Variants in NLGN1 observed in about 807,000 individuals in gnomAD.
NLGN1 encodes the protein neuroligin 1, also known as neuroligin-1.
NLGN1 carries 12 observed loss-of-function variants against 65.5 expected under a neutral mutation model. The ratio of observed to expected loss-of-function variants is 0.18; its 90% CI spans 0.12 to 0.30. NLGN1 has a LOEUF of 0.30. NLGN1 is among the 10% of genes least tolerant of loss of function. The pLI is 1.00. For synonymous variants in NLGN1, 350 were observed against 359.5 expected, an observed-to-expected ratio of 0.97 and a Z score of 0.30; for missense variants, 750 against 1,007.1, an observed-to-expected ratio of 0.74 and a Z score of 3.46.
At chr3:174,217,622 A>G (rs905050957) in intron 4 of NLGN1, among the ~76,000 whole-genome samples, 1 of 152,030 alleles carries the variant, frequency 6.6e-6, no homozygotes, top group South Asian at 2.1e-4. Flanking sequence ...CTTTCATGAC[A>G]TAATTACCTC....
At chr3:173,952,094 G>A (rs985562258) in intron 4 of NLGN1, among the ~76,000 whole-genome samples, 2 of 152,126 alleles carry the variant, frequency 1.3e-5, no homozygotes, top group African/African-American at 2.4e-5. Flanking sequence ...GTGGGATGCA[G>A]GTAGGAAAAA....
At chr3:173,794,306 C>G (rs1342508163) in intron 3 of NLGN1, among the ~76,000 whole-genome samples, 1 of 152,170 alleles carries the variant, frequency 6.6e-6, no homozygotes, top group African/African-American at 2.4e-5. Context: ...TTGCTGAGAT[C>G]TAATTTTCAT....
chr3:173,717,772 A>G (rs558769153), intron 3 of NLGN1, among the ~76,000 whole-genome samples: 2 of 152,252 alleles, frequency 1.3e-5, no homozygotes, highest in East Asian at 3.9e-4. Context: ...AGTGGTTTAT[A>G]AACTCTGGCC....
At chr3:174,004,915 C>A (rs1157649291) in intron 4 of NLGN1, among the ~76,000 whole-genome samples, 1 of 151,966 alleles carries the variant, frequency 6.6e-6, no homozygotes, top group Non-Finnish European at 1.5e-5. Flanking sequence ...ATTTAATTAA[C>A]TTCTGATTTT....
intron 4 of NLGN1, among the ~76,000 whole-genome samples, chr3:174,141,639 AAT>A (rs1009679433): frequency 2.6e-5 from 4 of 152,176 alleles, no homozygotes; most frequent in African/African-American, 9.7e-5. Context: ...TAAGTCAACA[AAT>A]ATGTTTAGTA....
rs118172245 is a variant in NLGN1, at chr3:174,108,037, A to C, written c.647-167278A>C. ...CCTTGTACCATATTTTTATATTTTA[A>C]ATAGTAATATTTCGTTAAGTATGAA... On this transcript the variant is annotated intron_variant, in intron 4 of 6. Coordinates refer to ENST00000457714, the Ensembl canonical transcript of NLGN1. Among the ~76,000 whole-genome samples the C allele has an allele frequency of 1.4e-4, 21 of 152,160 alleles. 1 individual carries two copies. The East Asian group carries it at 4.1e-3, about 29-fold the overall frequency.
intron 2 of NLGN1, among the ~76,000 whole-genome samples, chr3:173,546,732 A>G (rs1003024240): frequency 2.0e-5 from 3 of 152,206 alleles, no homozygotes; most frequent in Admixed American, 6.5e-5. Context: ...TGATAATGAA[A>G]TGATAACAAC....
intron 2 of NLGN1, among the ~76,000 whole-genome samples, chr3:173,485,697 T>C (rs1728064083): frequency 6.6e-6 from 1 of 152,232 alleles, no homozygotes; most frequent in Non-Finnish European, 1.5e-5. Flanking sequence ...AAAATAGTTA[T>C]TAGAAATGAC....
intron 4 of NLGN1, among the ~76,000 whole-genome samples, chr3:173,945,526 A>G (rs1483490620): frequency 2.0e-5 from 3 of 152,078 alleles, no homozygotes; most frequent in South Asian, 2.1e-4. Context: ...AGTTTTAGCT[A>G]TGATTTTTGA....
At chr3:174,236,109 T>A (rs959821840) in intron 4 of NLGN1, among the ~76,000 whole-genome samples, 5 of 152,126 alleles carry the variant, frequency 3.3e-5, no homozygotes, top group Non-Finnish European at 1.5e-5. Context: ...ATCAAATGAA[T>A]GTTACTAGTA....
At position 173,662,366 on chromosome 3, in the gene NLGN1, CT is replaced by C. The variant is rs1761053029; in HGVS notation, c.493+57277del. Among the ~76,000 whole-genome samples, 3 of 152,068 alleles carry C rather than the reference CT, an allele frequency of 2.0e-5. No homozygotes were observed. In the South Asian group the frequency reaches 6.2e-4, roughly 32 times the overall value. ...GTCAGCCTTGACCAAATCACTTTATCTTAGTTTTCTCACCTAAGAAATGAGG... is the reference window on the plus strand; with the variant it reads ...GTCAGCCTTGACCAAATCACTTTATCTAGTTTTCTCACCTAAGAAATGAGG... On this transcript the variant is annotated intron_variant, in intron 3 of 6. Transcript: ENST00000457714.
chr3:173,852,766 G>C (rs1477144421), intron 4 of NLGN1, among the ~76,000 whole-genome samples: 1 of 152,074 alleles, frequency 6.6e-6, no homozygotes, highest in African/African-American at 2.4e-5. Flanking sequence ...TTCTAGTGGA[G>C]CTTTAATATT....
intron 4 of NLGN1, among the ~76,000 whole-genome samples, chr3:173,907,200 C>T (rs916795225): frequency 1.3e-4 from 20 of 152,124 alleles, no homozygotes; most frequent in Non-Finnish European, 2.8e-4. Context: ...TAAAGAAACG[C>T]CACCACCAGC....
downstream of NLGN1, among the ~76,000 whole-genome samples, chr3:174,288,293 C>T (rs1199156893): frequency 6.6e-6 from 1 of 151,414 alleles, no homozygotes; most frequent in African/African-American, 2.4e-5. Context: ...CTATAGTATG[C>T]CAATTCAAAT....
chr3:173,791,429 G>A (rs1304013722), intron 3 of NLGN1, among the ~76,000 whole-genome samples: 2 of 151,618 alleles, frequency 1.3e-5, no homozygotes, highest in Non-Finnish European at 2.9e-5. Context: ...CTACTGAGAA[G>A]TTATGCAATT....
At chr3:173,514,673 C>T (rs983736205) in intron 2 of NLGN1, among the ~76,000 whole-genome samples, 16 of 152,068 alleles carry the variant, frequency 1.1e-4, no homozygotes, top group Non-Finnish European at 2.4e-4. Context: ...TTCCCCATAC[C>T]ACTTAGCCCT....
chr3:174,042,853 G>C (rs576607112), intron 4 of NLGN1, among the ~76,000 whole-genome samples: 1 of 152,210 alleles, frequency 6.6e-6, no homozygotes, highest in South Asian at 2.1e-4. Context: ...TCCAAAAATG[G>C]CTCTCCCAAC....
At chr3:174,076,718 AGAGAGAGTGTGT>A (rs1487950730) in intron 4 of NLGN1, among the ~76,000 whole-genome samples, 203 of 121,254 alleles carry the variant, frequency 1.7e-3, no homozygotes, top group South Asian at 0.011. Flanking sequence ...AGAGAGAGAG[AGAGAGAGTGTGT>A]GTGTGTGTGT....
chr3:173,695,324 A>G (rs946738693), intron 3 of NLGN1, among the ~76,000 whole-genome samples: 24 of 152,158 alleles, frequency 1.6e-4, no homozygotes, highest in African/African-American at 5.6e-4. Context: ...TCTAAAATCC[A>G]TTTGTTAATA....
Sources: gnomAD v4.1 joint callset for allele counts (sites outside exome capture counted in the v4.1 genomes callset) on GRCh38, gnomAD v4.1.1 for gene constraint, MANE v1.5 for transcripts, NCBI Gene and HGNC (gene_info 2026-07-23, HGNC 2026-07-21) for gene names.